Variants in KIDINS220 observed in about 807,000 individuals in gnomAD.
KIDINS220 encodes the protein kinase D-interacting substrate of 220 kDa.
A neutral mutation model predicts 157.6 loss-of-function variants in KIDINS220; 63 were observed. That is an observed-to-expected ratio of 0.40 (90% CI 0.33 to 0.49). The LOEUF (loss-of-function observed/expected upper bound fraction) is 0.49, where lower values mean the gene tolerates loss of function less well. Among genes scored for constraint, KIDINS220 ranks in the 20% least tolerant of loss-of-function variants. The pLI, the probability that KIDINS220 is intolerant of heterozygous loss-of-function variation, is 0.66. For missense variants in KIDINS220, 1,772 were observed against 2,171.2 expected (o/e 0.82, Z 3.65); for synonymous variants, 732 against 783.6 (o/e 0.93, Z 1.10).
At chr2:8,789,681 A>C (rs1017264921) in intron 14 of KIDINS220, among the ~76,000 whole-genome samples, 199 bp downstream of exon 14, 2 of 152,226 alleles carry the variant, frequency 1.3e-5, no homozygotes, top group Non-Finnish European at 2.9e-5. Context: ...GTAGTACATT[A>C]GTTTATAAGC....
chr2:8,796,568 C>T (rs532483631), intron 11 of KIDINS220, among the ~76,000 whole-genome samples: 131 of 152,254 alleles, frequency 8.6e-4, no homozygotes, highest in African/African-American at 2.9e-3. Flanking sequence ...GAAGGAAAGT[C>T]GGAAGCAGCT....
At chr2:8,819,183 AT>A (rs1322926189) in intron 2 of KIDINS220, among the ~76,000 whole-genome samples, 7 of 152,198 alleles carry the variant, frequency 4.6e-5, no homozygotes, top group Admixed American at 3.3e-4. Context: ...TTAATTATAT[AT>A]ATGTTTTGTC....
At chr2:8,756,470 G>A (rs1668025865) in intron 22 of KIDINS220, among the ~76,000 whole-genome samples, 1 of 152,178 alleles carries the variant, frequency 6.6e-6, no homozygotes, top group South Asian at 2.1e-4. Flanking sequence ...CTAGTGCAAT[G>A]TTGAATAGCA....
At chr2:8,810,627 A>G (rs1676153898) in intron 6 of KIDINS220, among the ~76,000 whole-genome samples, 1 of 152,126 alleles carries the variant, frequency 6.6e-6, no homozygotes, top group African/African-American at 2.4e-5. Flanking sequence ...CTCTACTAAA[A>G]ATACAAAAAG....
intron 21 of KIDINS220, among the ~76,000 whole-genome samples, chr2:8,776,392 A>C (rs1178602672): frequency 6.6e-6 from 1 of 152,198 alleles, no homozygotes; most frequent in Admixed American, 6.5e-5. Flanking sequence ...AAAATATATG[A>C]AAATTAAAAA....
chr2:8,771,068 C>T (rs1184305473), intron 21 of KIDINS220, among the ~76,000 whole-genome samples: 1 of 152,040 alleles, frequency 6.6e-6, no homozygotes, highest in Non-Finnish European at 1.5e-5. Context: ...GTTTGATTTG[C>T]CACTGGTGAG....
chr2:8,773,638 A>C (rs969448518), intron 21 of KIDINS220, among the ~76,000 whole-genome samples: 17 of 151,900 alleles, frequency 1.1e-4, no homozygotes, highest in African/African-American at 4.1e-4. Context: ...ACGCCTGCTA[A>C]TTTTTGTATT....
downstream of KIDINS220, chr2:8,723,536 T>C (rs1017550305): frequency 2.0e-5 from 3 of 152,248 alleles, no homozygotes; most frequent in African/African-American, 7.2e-5. Flanking sequence ...GGCTCACTCA[T>C]GTATAAAATA....
chr2:8,793,755 T>C, intron 12 of KIDINS220, 55 bp downstream of exon 12: 5 of 1,473,342 alleles, frequency 3.4e-6, no homozygotes, highest in Non-Finnish European at 4.6e-6. Flanking sequence ...TCCATATTCT[T>C]TAATGGAACA....
Position 8,793,881 on chromosome 2 carries a change from T to G in KIDINS220, c.1205A>C (p.Lys402Thr). 1.2e-6 allele frequency: 2 copies of G among 1,613,940 alleles called. No homozygotes were observed. The highest frequency in any genetic ancestry group is 1.7e-6 in the Non-Finnish European group (2 of 1,179,950). Residue 402 changes from lysine (K) to threonine (T), a missense_variant, in exon 12 of 30, where the codon AAA (lysine) becomes ACA (threonine). Physicochemically the swap from Lys to Thr is moderately conservative, Grantham distance 78. This residue lies in a region of KIDINS220 where 725 missense variants were observed against 1,017.1 expected (regional missense o/e 0.71). Coordinates refer to ENST00000256707, the MANE Select transcript of KIDINS220 (RefSeq NM_020738.4). ...AATATTATAAGGAGTCTCGCCTGCT[T>G]TGTTGGGCCTATAAAGTAATCGCCC... ...KDGRLLYRPNKAGETPYNIDC... is the reference protein window; with the variant it reads ...KDGRLLYRPNTAGETPYNIDC...
At chr2:8,734,858 T>A in intron 27 of KIDINS220, 105 bp from the exon 28 acceptor site, 1 of 771,244 alleles carries the variant, frequency 1.3e-6, no homozygotes, top group Non-Finnish European at 2.0e-6. Flanking sequence ...AATAAGTCTC[T>A]AGAGACCAGA....
At chr2:8,726,371 T>C (rs1014629091), downstream of KIDINS220, among the ~76,000 whole-genome samples, 1 of 152,200 alleles carries the variant, frequency 6.6e-6, no homozygotes, top group African/African-American at 2.4e-5. Context: ...AGGCTGTGAT[T>C]GGCTAATCAT....
At chr2:8,738,724 C>T (rs1005256471) in intron 26 of KIDINS220, among the ~76,000 whole-genome samples, 1 of 152,074 alleles carries the variant, frequency 6.6e-6, no homozygotes, top group Non-Finnish European at 1.5e-5. Flanking sequence ...TTAAAACAGA[C>T]TAAGGAGAAA....
At chr2:8,808,221 C>A (rs566749985) in intron 6 of KIDINS220, among the ~76,000 whole-genome samples, 1 of 152,282 alleles carries the variant, frequency 6.6e-6, no homozygotes, top group African/African-American at 2.4e-5. Flanking sequence ...TCTTTTCTAG[C>A]CTCCTCTTTT....
intron 17 of KIDINS220, among the ~76,000 whole-genome samples, chr2:8,785,028 T>TA (rs1310349626): frequency 6.6e-6 from 1 of 152,188 alleles, no homozygotes; most frequent in African/African-American, 2.4e-5. Flanking sequence ...GATAAATGTA[T>TA]AAATGAACTG....
chr2:8,823,433 T>TAA (rs35736601), intron 2 of KIDINS220, among the ~76,000 whole-genome samples: 4,335 of 127,174 alleles, frequency 0.034, 209 homozygotes, highest in African/African-American at 0.11. Flanking sequence ...AGCAAAATGC[T>TAA]AAAAAAAAAA....
intron 29 of KIDINS220, 29 bp downstream of exon 29, chr2:8,733,412 CAAT>C: frequency 1.3e-6 from 2 of 1,547,232 alleles, no homozygotes; most frequent in Non-Finnish European, 1.8e-6. Context: ...GCTTATTCTT[CAAT>C]AATATGAAAA....
intron 2 of KIDINS220, among the ~76,000 whole-genome samples, chr2:8,823,433 TAAAAA>T (rs35736601): frequency 3.1e-4 from 40 of 127,218 alleles, no homozygotes; most frequent in Admixed American, 1.3e-3. Flanking sequence ...AGCAAAATGC[TAAAAA>T]AAAAAAAAAA....
At chr2:8,784,865 A>C (rs1190238475) in intron 17 of KIDINS220, among the ~76,000 whole-genome samples, 1 of 152,218 alleles carries the variant, frequency 6.6e-6, no homozygotes, top group Non-Finnish European at 1.5e-5. Flanking sequence ...TAACAAAACG[A>C]AACATCATAC....
Sources: gnomAD v4.1 joint callset for allele counts (sites outside exome capture counted in the v4.1 genomes callset) on GRCh38, gnomAD v4.1.1 for gene constraint, gnomAD v4.1.1 regional missense constraint, MANE v1.5 for transcripts, NCBI Gene and HGNC (gene_info 2026-07-23, HGNC 2026-07-21) for gene names.